Variants in KLRG1 observed in about 807,000 individuals in gnomAD.
The protein encoded by KLRG1 is killer cell lectin-like receptor subfamily G member 1.
Under a neutral mutation model 21.8 loss-of-function variants are expected in KLRG1, and 16 were observed. The observed-to-expected ratio is 0.73, with a 90% CI of 0.50 to 1.11. The LOEUF is 1.11. Among genes scored for constraint, KLRG1 ranks in the 50% most tolerant of loss-of-function variants. The probability of loss-of-function intolerance (pLI) is 0.00; values close to 1 mark genes in which losing one functional copy is unlikely to be tolerated. For missense variants in KLRG1, 173 were observed against 218.3 expected, an observed-to-expected ratio of 0.79 and a Z score of 1.31; for synonymous variants, 69 against 75.9, an observed-to-expected ratio of 0.91 and a Z score of 0.47.
the KLRG1 span, among the ~76,000 whole-genome samples, chr12:9,069,276 A>C: frequency 6.6e-6 from 1 of 152,242 alleles, no homozygotes; most frequent in Non-Finnish European, 1.5e-5. Context: ...CTTATGCATG[A>C]ACAAACTCTC....
At chr12:9,106,245 G>A in the KLRG1 span, 6 of 1,607,018 alleles carry the variant, frequency 3.7e-6, no homozygotes, top group Non-Finnish European at 5.1e-6. Flanking sequence ...CCTGCCCAAA[G>A]AAGGGAATTC....
chr12:9,169,596 A>G, the KLRG1 span: 1 of 1,589,898 alleles, frequency 6.3e-7, no homozygotes, highest in Non-Finnish European at 8.5e-7. Context: ...ATATACCTGT[A>G]GCAGTGGGGG....
chr12:9,029,291 C>T, the KLRG1 span, among the ~76,000 whole-genome samples: 2 of 152,190 alleles, frequency 1.3e-5, no homozygotes, highest in Non-Finnish European at 2.9e-5. Flanking sequence ...GCTCAGCTCA[C>T]TGCAACCTCT....
At chr12:9,093,016 G>T in the KLRG1 span, among the ~76,000 whole-genome samples, 2 of 152,194 alleles carry the variant, frequency 1.3e-5, no homozygotes, top group African/African-American at 4.8e-5. Flanking sequence ...GACAAGTACT[G>T]CGTGATCTTA....
the KLRG1 span, among the ~76,000 whole-genome samples, chr12:9,060,331 G>T: frequency 6.6e-6 from 1 of 152,152 alleles, no homozygotes; most frequent in Non-Finnish European, 1.5e-5. Context: ...CCCAGCCCTG[G>T]CATCTTTAAG....
the KLRG1 span, chr12:9,128,327 C>A: frequency 1.9e-5 from 3 of 160,900 alleles, no homozygotes; most frequent in South Asian, 5.1e-4. Flanking sequence ...GCTGGGAGGT[C>A]GCTGGCCACA....
At chr12:9,095,047 C>T in the KLRG1 span, 86 of 1,595,118 alleles carry the variant, frequency 5.4e-5, no homozygotes, top group South Asian at 6.9e-4. Context: ...TTTGGGTTTA[C>T]GAATCTTTGA....
the KLRG1 span, chr12:9,182,132 G>GTGAGACAAAATGGTCATA: frequency 1.3e-6 from 2 of 1,554,332 alleles, no homozygotes; most frequent in Non-Finnish European, 1.7e-6. Context: ...AACATGGAGA[G>GTGAGACAAAATGGTCATA]AGTGAGACAA....
At chr12:9,169,450 C>G in the KLRG1 span, 2 of 1,605,894 alleles carry the variant, frequency 1.2e-6, no homozygotes, top group Non-Finnish European at 1.7e-6. Context: ...CTATAAATAT[C>G]TGCTTCATTA....
chr12:9,072,244 A>AT, the KLRG1 span: 12 of 1,255,172 alleles, frequency 9.6e-6, no homozygotes, highest in African/African-American at 1.2e-4. Context: ...AATACATTGC[A>AT]TTTTTTGTGA....
At chr12:9,089,391 A>C in the KLRG1 span, 2 of 675,882 alleles carry the variant, frequency 3.0e-6, no homozygotes, top group Non-Finnish European at 2.6e-6. Context: ...ACATATAAGC[A>C]ATATACGTAG....
chr12:9,158,232 C>A, the KLRG1 span, among the ~76,000 whole-genome samples: 1 of 152,176 alleles, frequency 6.6e-6, no homozygotes, highest in African/African-American at 2.4e-5. Context: ...TGTGATTCTA[C>A]GTGTGATCCA....
At chr12:8,961,336 A>T (rs1463778273) in intron 1 of KLRG1, among the ~76,000 whole-genome samples, 1 of 152,180 alleles carries the variant, frequency 6.6e-6, no homozygotes, top group Non-Finnish European at 1.5e-5. Context: ...AGTTCTAGAT[A>T]AAAAACAGGC....
chr12:9,076,575 T>A, the KLRG1 span, among the ~76,000 whole-genome samples: 1 of 152,234 alleles, frequency 6.6e-6, no homozygotes, highest in African/African-American at 2.4e-5. Flanking sequence ...TCTTGTCTTC[T>A]GATTTCTGAT....
At chr12:9,077,867 G>A in the KLRG1 span, 1 of 1,614,104 alleles carries the variant, frequency 6.2e-7, no homozygotes. Context: ...CCTGACCAGG[G>A]AGGAAGCAAT....
the KLRG1 span, among the ~76,000 whole-genome samples, chr12:9,033,984 G>A: frequency 6.6e-5 from 10 of 152,316 alleles, no homozygotes; most frequent in Admixed American, 2.0e-4. Flanking sequence ...ACCTGTATCA[G>A]GGAATGATGC....
the KLRG1 span, chr12:9,107,437 C>T: frequency 6.6e-7 from 1 of 1,508,214 alleles, no homozygotes; most frequent in Middle Eastern, 1.9e-4. Flanking sequence ...AGATTGTTCT[C>T]TTCCTGCGTC....
chr12:9,049,165 A>G, the KLRG1 span, among the ~76,000 whole-genome samples: 87 of 152,310 alleles, frequency 5.7e-4, no homozygotes, highest in African/African-American at 2.0e-3. Context: ...CTGAGTAAGT[A>G]TCAGGGCTTC....
At chr12:9,074,550 A>G in the KLRG1 span, 2 of 1,598,876 alleles carry the variant, frequency 1.3e-6, no homozygotes, top group Non-Finnish European at 1.7e-6. Flanking sequence ...GGTTTTGGCA[A>G]ATCACCAACC....
Sources: allele counts gnomAD v4.1 joint callset (sites outside exome capture counted in the v4.1 genomes callset), GRCh38; gene constraint gnomAD v4.1.1; transcripts MANE v1.5; gene names NCBI Gene and HGNC (gene_info 2026-07-23, HGNC 2026-07-21).